Variants in TMEM165 observed in about 807,000 individuals in gnomAD.
The protein encoded by TMEM165 is putative divalent cation/proton antiporter TMEM165.
In TMEM165, 19 loss-of-function variants were observed where a neutral mutation model predicts 30.0. That is an observed-to-expected ratio of 0.63 (90% CI 0.44 to 0.93). The LOEUF is 0.93. TMEM165 is among the 40% of genes least tolerant of loss of function. The pLI, the probability that TMEM165 is intolerant of heterozygous loss-of-function variation, is 0.00. For missense variants in TMEM165, 340 were observed against 417.0 expected (o/e 0.82, Z 1.61); for synonymous variants, 168 against 162.9 (o/e 1.03, Z -0.24).
intron 1 of TMEM165, among the ~76,000 whole-genome samples, chr4:55,404,176 T>TG (rs1721175759): frequency 6.7e-6 from 1 of 149,214 alleles, no homozygotes; most frequent in African/African-American, 2.5e-5. Flanking sequence ...CACGCCTGGC[T>TG]ATTTTTTTTT....
chr4:55,404,147 G>C (rs1721173868), intron 1 of TMEM165, among the ~76,000 whole-genome samples: 1 of 149,974 alleles, frequency 6.7e-6, no homozygotes, highest in South Asian at 2.1e-4. Flanking sequence ...GAGTGGCTAG[G>C]ACTACAGGTG....
chr4:55,448,835 TTAA>T, intron 3 of TMEM165: 1 of 1,613,946 alleles, frequency 6.2e-7, no homozygotes, highest in Non-Finnish European at 8.5e-7. Context: ...ACTGGCTGTG[TTAA>T]TGATGAACCA....
chr4:55,411,970 TTTTCCTTGTGTATCC>T lies in TMEM165; in HGVS notation c.433+148_433+162del, dbSNP rs146894923. 27,840 of 798,150 alleles carry T rather than the reference TTTTCCTTGTGTATCC, an allele frequency of 0.035. 686 individuals are homozygous for T. Among genetic ancestry groups the T allele is most frequent in the Non-Finnish European group, 0.045 (21,398 of 474,922 alleles). 49.4% of individuals were successfully genotyped at this position (798,150 alleles called of 1,614,324 possible). ...ACACCTTATTTGTGGTCTTCCAACC[TTTTCCTTGTGTATCC>T]TTTCCTTGTGTATCCTCTAAAATAA... is the stretch of plus-strand genomic sequence containing the variant. On this transcript the variant is annotated intron_variant, in intron 2 of 5. Transcript: ENST00000381334.
intron 3 of TMEM165, among the ~76,000 whole-genome samples, chr4:55,439,135 C>G (rs1285329979): frequency 6.6e-6 from 1 of 152,064 alleles, no homozygotes; most frequent in African/African-American, 2.4e-5. Flanking sequence ...GGATTAGTAA[C>G]CAGAATGTCT....
exon 4 of TMEM165, chr4:55,453,323 C>T: frequency 3.5e-6 from 2 of 578,116 alleles, no homozygotes; most frequent in Non-Finnish European, 6.2e-6. Context: ...AAGTTTCATA[C>T]ACTGCTGTAA....
At chr4:55,443,501 C>G (rs1723541083) in intron 3 of TMEM165, among the ~76,000 whole-genome samples, 1 of 150,878 alleles carries the variant, frequency 6.6e-6, no homozygotes, top group Non-Finnish European at 1.5e-5. Flanking sequence ...AAAAAAAAAG[C>G]TGAAAATATT....
chr4:55,453,256 AAACCT>A, exon 4 of TMEM165: 1 of 774,794 alleles, frequency 1.3e-6, no homozygotes, highest in Admixed American at 2.2e-5. Flanking sequence ...TGTGCTACAC[AAACCT>A]AAAATATACC....
At chr4:55,403,516 A>ATTTTTTTTT (rs1398677528) in intron 1 of TMEM165, among the ~76,000 whole-genome samples, 1 of 128,528 alleles carries the variant, frequency 7.8e-6, no homozygotes, top group Non-Finnish European at 1.6e-5. Flanking sequence ...TTTTTTTACA[A>ATTTTTTTTT]TTTTTACATT....
chr4:55,396,624 A>G (rs1229871242), intron 1 of TMEM165, among the ~76,000 whole-genome samples: 1 of 152,166 alleles, frequency 6.6e-6, no homozygotes, highest in Non-Finnish European at 1.5e-5. Flanking sequence ...GCCCGCTATA[A>G]ACGTTGATCT....
chr4:55,445,848 G>A (rs1026409347), intron 3 of TMEM165, among the ~76,000 whole-genome samples: 2 of 151,488 alleles, frequency 1.3e-5, no homozygotes, highest in African/African-American at 4.9e-5. Context: ...CTCCTACTTC[G>A]GCCTTCCAAA....
chr4:55,437,381 G>A (rs1464033437), intron 3 of TMEM165, among the ~76,000 whole-genome samples: 1 of 152,180 alleles, frequency 6.6e-6, no homozygotes, highest in Non-Finnish European at 1.5e-5. Context: ...AGCTAGGCCA[G>A]AAGGGGAAAA....
chr4:55,435,634 T>G, intron 3 of TMEM165: 1 of 1,600,308 alleles, frequency 6.2e-7, no homozygotes, highest in Non-Finnish European at 8.6e-7. Context: ...CTTTACTCCC[T>G]TTATGGCACC....
At chr4:55,404,006 C>T (rs899368085) in intron 1 of TMEM165, among the ~76,000 whole-genome samples, 2 of 149,568 alleles carry the variant, frequency 1.3e-5, no homozygotes, top group Non-Finnish European at 3.0e-5. Context: ...CTATTAGTTT[C>T]GTTTTCTTTC....
chr4:55,414,625 G>A (rs1311416031), intron 2 of TMEM165, among the ~76,000 whole-genome samples: 1 of 151,976 alleles, frequency 6.6e-6, no homozygotes, highest in Non-Finnish European at 1.5e-5. Flanking sequence ...CCTCAATAAT[G>A]TCCTTTATAT....
At chr4:55,452,817 T>A (rs1245243072) in exon 4 of TMEM165, 2 of 393,108 alleles carry the variant, frequency 5.1e-6, no homozygotes, top group African/African-American at 2.0e-5. Flanking sequence ...GACTAGTACA[T>A]CACTGGGAAT....
At chr4:55,415,840 A>C (rs974104147) in intron 2 of TMEM165, 1 of 151,706 alleles carries the variant, frequency 6.6e-6, no homozygotes, top group South Asian at 2.1e-4. Context: ...TTAAAGAGTA[A>C]TTGTATTTTT....
At chr4:55,446,869 C>T (rs3805150) in intron 3 of TMEM165, among the ~76,000 whole-genome samples, 51,390 of 151,930 alleles carry the variant, frequency 0.34, 9,391 homozygotes, top group East Asian at 0.58. Context: ...GAAATGTCCT[C>T]CCCATCCAAA....
intron 2 of TMEM165, among the ~76,000 whole-genome samples, chr4:55,413,771 C>G (rs1032901256): frequency 3.9e-5 from 6 of 152,210 alleles, no homozygotes; most frequent in African/African-American, 1.2e-4. Context: ...CATTTGTACT[C>G]TTATCTAAAT....
intron 1 of TMEM165, among the ~76,000 whole-genome samples, 164 bp from the exon 2 acceptor site, chr4:55,411,450 G>A (rs532659239): frequency 1.3e-5 from 2 of 152,244 alleles, no homozygotes; most frequent in African/African-American, 2.4e-5. Context: ...AGCAACCATC[G>A]TCAGAGGTTA....
Sources: allele counts gnomAD v4.1 joint callset (sites outside exome capture counted in the v4.1 genomes callset), GRCh38; gene constraint gnomAD v4.1.1; transcripts MANE v1.5; gene names NCBI Gene and HGNC (gene_info 2026-07-23, HGNC 2026-07-21).